Variants in ACYP2 observed in about 807,000 individuals in gnomAD.
The protein encoded by ACYP2 is acylphosphatase 2, also known as acylphosphatase-2.
In ACYP2, 12 loss-of-function variants were observed where a neutral mutation model predicts 11.2. That is an observed-to-expected ratio of 1.08 (90% CI 0.69 to 1.74). The LOEUF (loss-of-function observed/expected upper bound fraction) is 1.74. ACYP2 is among the 40% of genes most tolerant of loss of function. The probability of loss-of-function intolerance (pLI) is 0.00; values close to 1 mark genes in which losing one functional copy is unlikely to be tolerated. For synonymous variants in ACYP2, 43 were observed against 32.2 expected (o/e 1.33, Z -1.13); for missense variants, 134 against 101.9 (o/e 1.31, Z -1.35).
chr2:54,275,954 TTTTATA>T (rs987595541), intron 6 of ACYP2, among the ~76,000 whole-genome samples: 1 of 152,160 alleles, frequency 6.6e-6, no homozygotes, highest in Admixed American at 6.6e-5. Flanking sequence ...TTGGTATGGG[TTTTATA>T]TTTATATTTA....
chr2:54,225,373 T>G (rs1685970684), intron 6 of ACYP2, among the ~76,000 whole-genome samples: 1 of 152,222 alleles, frequency 6.6e-6, no homozygotes, highest in African/African-American at 2.4e-5. Context: ...TTTATATTTT[T>G]AAGTCACAGA....
In ACYP2 at chr2:54,304,819, T is replaced by TG; in HGVS notation, c.*17_*18insG. Reference sequence around the variant, plus strand: ...AGATACTAATAGAAGAGAAAAATTGTAACACACTGAACAATAGATACTGTA... The same window carrying TG: ...AGATACTAATAGAAGAGAAAAATTGTGAACACACTGAACAATAGATACTGTA... On this transcript the variant is annotated 3_prime_UTR_variant, in exon 7 of 7. Transcript: ENST00000607452. The TG allele has an allele frequency of 7.2e-7, 1 of 1,386,940 alleles. No homozygotes were observed. The highest frequency in any genetic ancestry group is 1.0e-6 in the Non-Finnish European group (1 of 980,476). 85.9% of individuals were successfully genotyped at this position (1,386,940 alleles called of 1,614,324 possible).
chr2:54,019,403 G>T (rs966784762), intron 2 of ACYP2, among the ~76,000 whole-genome samples: 1 of 151,334 alleles, frequency 6.6e-6, no homozygotes, highest in Non-Finnish European at 1.5e-5. Flanking sequence ...TTGACACACA[G>T]TCTCACTCTG....
chr2:54,242,618 A>T (rs191655754), intron 6 of ACYP2, among the ~76,000 whole-genome samples: 27 of 152,316 alleles, frequency 1.8e-4, no homozygotes, highest in Middle Eastern at 3.4e-3. Flanking sequence ...TATTTTTACT[A>T]TACCTTTTTT....
At position 54,211,550 on chromosome 2, in the gene ACYP2, A is replaced by G. The variant is rs141793823; in HGVS notation, c.404+72802A>G. 3.3e-3 allele frequency among the ~76,000 whole-genome samples: 502 copies of G among 152,306 alleles called. 4 individuals are homozygous for G. The highest frequency in any genetic ancestry group is 0.011 in the African/African-American group (455 of 41,562). ...GGGAAGCTCAGCTTTGGTGTCTTTT[A>G]TATCCAGTCCTGGCTATGGTTAGTG... is the stretch of plus-strand genomic sequence containing the variant. On this transcript the variant is annotated intron_variant, in intron 6 of 6. Coordinates refer to ENST00000607452, the MANE Select transcript of ACYP2 (RefSeq NM_001320586.2).
At chr2:54,060,988 CATTTA>C (rs1384814974) in intron 4 of ACYP2, among the ~76,000 whole-genome samples, 3 of 152,034 alleles carry the variant, frequency 2.0e-5, no homozygotes, top group East Asian at 1.9e-4. Context: ...AAGACAAACA[CATTTA>C]ATTTATCTGC....
rs1226694771 is a variant in ACYP2 at position 54,260,253 on chromosome 2, A to C, written c.405-44435A>C. On this transcript the variant is annotated intron_variant, in intron 6 of 6. Coordinates refer to ENST00000607452, the MANE Select transcript of ACYP2 (RefSeq NM_001320586.2). ...GCTTCATTGTTCTCAGTGAAATAGA[A>C]AGCAAGATGATCAAATGAGTGTGAG... 5.3e-5 allele frequency among the ~76,000 whole-genome samples: 8 copies of C among 152,238 alleles called. No homozygotes were observed. In the South Asian group the frequency reaches 1.2e-3, roughly 24 times the overall value.
chr2:54,036,105 G>A (rs1171105672), intron 2 of ACYP2, among the ~76,000 whole-genome samples: 1 of 152,046 alleles, frequency 6.6e-6, no homozygotes, highest in Non-Finnish European at 1.5e-5. Context: ...TTGTTTGTTT[G>A]TTTGTTTGAG....
At position 53,971,304 on chromosome 2, in the gene ACYP2, A is replaced by G. The variant is rs1188999617; in HGVS notation, c.-54A>G. ...GCAGCCCACTGGAGTCCCAGTCGCC[A>G]CGACAGGCGGCAGCCAGGTCGGCCT... On this transcript the variant is annotated 5_prime_UTR_variant, in exon 1 of 7. Coordinates refer to ENST00000607452, the MANE Select transcript of ACYP2 (RefSeq NM_001320586.2). 1 of 152,828 alleles carries G rather than the reference A, an allele frequency of 6.5e-6. No individual in the cohort carries two copies. The highest frequency in any genetic ancestry group is 1.5e-5 in the Non-Finnish European group (1 of 68,476). The allele number at this position is 152,828 out of a possible 1,614,324, so 9.5% of individuals were successfully genotyped here.
chr2:54,035,597 A>G (rs1319562649), intron 2 of ACYP2, among the ~76,000 whole-genome samples: 2 of 152,136 alleles, frequency 1.3e-5, no homozygotes, highest in Admixed American at 6.5e-5. Context: ...TTGTTCAGTT[A>G]TCTTTTGAGT....
chr2:53,977,402 C>T (rs1168281295), intron 2 of ACYP2, among the ~76,000 whole-genome samples: 2 of 152,068 alleles, frequency 1.3e-5, no homozygotes, highest in African/African-American at 4.8e-5. Flanking sequence ...TTACTTCCAA[C>T]TCCCTTAGGT....
chr2:54,082,549 A>C (rs942899805), intron 4 of ACYP2: 2 of 152,178 alleles, frequency 1.3e-5, no homozygotes, highest in African/African-American at 4.8e-5. Flanking sequence ...CCCAACCTAT[A>C]GTTCCTTTAT....
At chr2:54,028,320 C>T (rs879832656) in intron 2 of ACYP2, among the ~76,000 whole-genome samples, 4 of 152,036 alleles carry the variant, frequency 2.6e-5, no homozygotes, top group Admixed American at 6.6e-5. Context: ...GTTAAGGGGA[C>T]GAGAATGTTG....
At chr2:54,001,180 C>T (rs1394473596) in intron 2 of ACYP2, among the ~76,000 whole-genome samples, 1 of 152,040 alleles carries the variant, frequency 6.6e-6, no homozygotes, top group Admixed American at 6.6e-5. Flanking sequence ...CATAGTGAGA[C>T]CTCTGTCTCT....
At chr2:54,202,777 G>C in intron 6 of ACYP2, among the ~76,000 whole-genome samples, 1 of 114,858 alleles carries the variant, frequency 8.7e-6, no homozygotes, top group Admixed American at 1.2e-4. Flanking sequence ...TGCCCACGCT[G>C]GCCTTGAACT....
chr2:54,147,566 C>T (rs1024556102), intron 6 of ACYP2, among the ~76,000 whole-genome samples: 5 of 152,112 alleles, frequency 3.3e-5, no homozygotes, highest in African/African-American at 1.2e-4. Flanking sequence ...GCTCTGTTGC[C>T]CAGGCTGGAG....
At chr2:54,149,945 TTC>T (rs1269940801) in intron 6 of ACYP2, among the ~76,000 whole-genome samples, 5 of 152,224 alleles carry the variant, frequency 3.3e-5, no homozygotes, top group Non-Finnish European at 7.3e-5. Flanking sequence ...AGGGTAAATG[TTC>T]TCTCTTTTTC....
At chr2:54,045,817 GA>G (rs1047073601) in intron 2 of ACYP2, among the ~76,000 whole-genome samples, 3 of 150,106 alleles carry the variant, frequency 2.0e-5, no homozygotes, top group African/African-American at 7.3e-5. Flanking sequence ...CTCTGTCCCA[GA>G]AAAAAAAATT....
Position 54,088,440 on chromosome 2 carries a change from CAG to C in ACYP2, c.277+31085_277+31086del, listed in dbSNP as rs769463408. Among the ~76,000 whole-genome samples the C allele has an allele frequency of 8.8e-4, 134 of 152,298 alleles. 1 individual carries two copies. Among genetic ancestry groups the C allele is most frequent in the Admixed American group, 2.2e-3 (34 of 15,302 alleles). ...TCAAAGGAGCCCGTACGTTATTCACCAGAGAGTCAACCTCAGGTGTCTGCCAG... is the reference window on the plus strand; with the variant it reads ...TCAAAGGAGCCCGTACGTTATTCACCAGAGTCAACCTCAGGTGTCTGCCAG... On this transcript the variant is annotated intron_variant, in intron 4 of 6. Coordinates refer to ENST00000607452, the MANE Select transcript of ACYP2 (RefSeq NM_001320586.2).
Sources: gnomAD v4.1 joint callset for allele counts (sites outside exome capture counted in the v4.1 genomes callset) on GRCh38, gnomAD v4.1.1 for gene constraint, MANE v1.5 for transcripts, NCBI Gene and HGNC (gene_info 2026-07-23, HGNC 2026-07-21) for gene names.